The following MPP7 variants were observed in gnomAD, a reference collection of about 807,000 sequenced individuals.
The protein encoded by MPP7 is MAGUK p55 subfamily member 7.
In MPP7, 60 loss-of-function variants were observed where a neutral mutation model predicts 76.5. The ratio of observed to expected loss-of-function variants is 0.78; its 90% CI spans 0.64 to 0.97. The LOEUF is 0.97. Among genes scored for constraint, MPP7 ranks in the 50% least tolerant of loss-of-function variants. The probability of loss-of-function intolerance (pLI) is 0.00; values close to 1 mark genes in which losing one functional copy is unlikely to be tolerated. For synonymous variants in MPP7, 237 were observed against 244.5 expected (o/e 0.97, Z 0.29); for missense variants, 641 against 694.0 (o/e 0.92, Z 0.86).
At chr10:28,191,309 T>A (rs2607546) in intron 3 of MPP7, among the ~76,000 whole-genome samples, 125,496 of 152,106 alleles carry the variant, frequency 0.83, 52,396 homozygotes, top group African/African-American at 0.89. Context: ...CATTATCTTA[T>A]TATCAAAACC....
intron 1 of MPP7, among the ~76,000 whole-genome samples, chr10:28,261,768 A>C (rs1839956914): frequency 6.6e-6 from 1 of 152,152 alleles, no homozygotes. Flanking sequence ...ATTTTTGGCC[A>C]GGTGCCAATG....
intron 5 of MPP7, among the ~76,000 whole-genome samples, chr10:28,138,526 A>G (rs1835417016): frequency 6.6e-6 from 1 of 152,236 alleles, no homozygotes; most frequent in Non-Finnish European, 1.5e-5. Context: ...TTGACTAATA[A>G]GAATAATCTA....
At chr10:28,232,358 AACACACAC>A (rs3064135) in intron 2 of MPP7, among the ~76,000 whole-genome samples, 4 of 147,358 alleles carry the variant, frequency 2.7e-5, no homozygotes, top group East Asian at 2.0e-4. Context: ...TGTCTCTTAA[AACACACAC>A]ACACACACAC....
At chr10:28,203,534 T>C (rs1177114480) in intron 2 of MPP7, among the ~76,000 whole-genome samples, 1 of 150,490 alleles carries the variant, frequency 6.6e-6, no homozygotes, top group East Asian at 2.0e-4. Context: ...TCAATTACAT[T>C]CTGAAGTATT....
At chr10:28,264,284 C>T (rs931160929) in intron 1 of MPP7, among the ~76,000 whole-genome samples, 1 of 152,098 alleles carries the variant, frequency 6.6e-6, no homozygotes, top group African/African-American at 2.4e-5. Context: ...TAGTAAGACC[C>T]TGTCTCTTTT....
chr10:28,324,967 G>T (rs1303988856), intron 2 of MPP7, among the ~76,000 whole-genome samples: 1 of 152,156 alleles, frequency 6.6e-6, no homozygotes, highest in Non-Finnish European at 1.5e-5. Context: ...TTCACAGCTC[G>T]CTGCAGCCTT....
chr10:28,160,395 AACTC>A (rs1193762196), intron 3 of MPP7, among the ~76,000 whole-genome samples: 1 of 152,182 alleles, frequency 6.6e-6, no homozygotes, highest in African/African-American at 2.4e-5. Context: ...AGAACATGAC[AACTC>A]ACTAACTAGT....
At chr10:28,146,816 G>A (rs566662530) in intron 5 of MPP7, among the ~76,000 whole-genome samples, 39 of 152,150 alleles carry the variant, frequency 2.6e-4, no homozygotes, top group African/African-American at 8.4e-4. Context: ...TTGCCCCAGC[G>A]TCAAGTCCAA....
intron 1 of MPP7, among the ~76,000 whole-genome samples, chr10:28,332,239 ATGTATGCGTGTG>A (rs1177279808): frequency 1.0e-5 from 1 of 96,492 alleles, no homozygotes; most frequent in Non-Finnish European, 2.3e-5. Context: ...AGTTTGTCAA[ATGTATGCGTGTG>A]TGTGTGTGTG....
At chr10:28,325,993 A>ATG (rs1277003106) in intron 2 of MPP7, among the ~76,000 whole-genome samples, 2 of 151,684 alleles carry the variant, frequency 1.3e-5, no homozygotes, top group African/African-American at 2.4e-5. Context: ...AAAAAAAAAA[A>ATG]AAATTCCTTA....
intron 2 of MPP7, among the ~76,000 whole-genome samples, chr10:28,329,328 C>T (rs899683251): frequency 3.3e-5 from 5 of 152,028 alleles, no homozygotes; most frequent in Admixed American, 6.6e-5. Context: ...GGAAAAGTAT[C>T]GATTTTTACA....
rs1261309281 is a variant in MPP7 at position 28,333,154 on chromosome 10, A to G, written c.-206+1264T>C. Among the ~76,000 whole-genome samples, 3 of 151,938 alleles carry G rather than the reference A, an allele frequency of 2.0e-5. No homozygotes were observed. The East Asian group carries it at 5.8e-4, about 29-fold the overall frequency. On this transcript the variant is annotated intron_variant, in intron 1 of 11. Transcript: ENST00000441595. ...CTATTCTAATTCTTTTTATTTATTTATTTTTTAAGACAGAGAGTGTCACTC... is the reference window on the plus strand; with the variant it reads ...CTATTCTAATTCTTTTTATTTATTTGTTTTTTAAGACAGAGAGTGTCACTC...
rs570489920 is a variant in MPP7, at chr10:28,242,803, T to C, written c.-131-4068A>G. On this transcript the variant is annotated intron_variant, in intron 1 of 16. Coordinates refer to ENST00000683449, the MANE Select transcript of MPP7 (RefSeq NM_001318170.2). ...AACTATTCAACATTGTGTTCTTCAC[T>C]GCCAAGGATGCTCATTCAGAGTAGG... is the stretch of plus-strand genomic sequence containing the variant. Among the ~76,000 whole-genome samples, 8 of 152,212 alleles carry C rather than the reference T, an allele frequency of 5.3e-5. No homozygotes were observed. In the South Asian group the frequency reaches 1.7e-3, roughly 32 times the overall value.
chr10:28,071,140 G>A (rs11006836), intron 12 of MPP7, among the ~76,000 whole-genome samples: 16,296 of 152,202 alleles, frequency 0.11, 1,594 homozygotes, highest in East Asian at 0.5. Flanking sequence ...AACTGAGAAC[G>A]CATGCACAGT....
At chr10:28,243,663 T>C (rs1839344382) in intron 1 of MPP7, among the ~76,000 whole-genome samples, 1 of 152,192 alleles carries the variant, frequency 6.6e-6, no homozygotes, top group South Asian at 2.1e-4. Context: ...CTGAATAGGC[T>C]ATTAAAATAC....
chr10:28,076,362 T>C (rs2133387589), intron 12 of MPP7, among the ~76,000 whole-genome samples: 1 of 152,314 alleles, frequency 6.6e-6, no homozygotes, highest in Non-Finnish European at 1.5e-5. Flanking sequence ...TCAGGCACCA[T>C]GTAGGGGCTT....
intron 3 of MPP7, among the ~76,000 whole-genome samples, chr10:28,176,043 T>C (rs1000295746): frequency 1.3e-5 from 2 of 152,126 alleles, no homozygotes; most frequent in Admixed American, 6.6e-5. Flanking sequence ...TACCTTTAAT[T>C]GGGAGTTTTA....
chr10:28,196,505 C>T (rs1038417554), intron 3 of MPP7, among the ~76,000 whole-genome samples: 1 of 149,726 alleles, frequency 6.7e-6, no homozygotes, highest in Non-Finnish European at 1.5e-5. Flanking sequence ...AAGATTCACA[C>T]ATCCAATAAG....
Position 28,124,115 on chromosome 10 carries a change from A to G in MPP7, c.531T>C (p.Gly177=), listed in dbSNP as rs142592137. 4.4e-6 allele frequency: 7 copies of G among 1,603,082 alleles called. No homozygotes were observed. In the African/African-American group the frequency reaches 8.0e-5, roughly 18 times the overall value. Residue 177 remains glycine, a splice_region_variant and synonymous_variant, in exon 8 of 17, where the codon GGT becomes GGC. Transcript: ENST00000683449. Reference sequence around the variant, plus strand: ...TAAGTTCATCACCAACATGAATAAGACCTGAGAAATAGGAGATTTGGTAAA... The same window carrying G: ...TAAGTTCATCACCAACATGAATAAGGCCTGAGAAATAGGAGATTTGGTAAA... ...IMRGGAADRS[G]LIHVGDELRE... is the part of the protein sequence containing the mutation.
Sources: allele counts gnomAD v4.1 joint callset (sites outside exome capture counted in the v4.1 genomes callset), GRCh38; gene constraint gnomAD v4.1.1; transcripts MANE v1.5; gene names NCBI Gene and HGNC (gene_info 2026-07-23, HGNC 2026-07-21).